The following EPHA5 variants were observed in gnomAD, a reference collection of about 807,000 sequenced individuals.
EPHA5 encodes the protein EPH receptor A5.
EPHA5 carries 60 observed loss-of-function variants against 105.0 expected under a neutral mutation model. The ratio of observed to expected loss-of-function variants is 0.57; its 90% CI spans 0.46 to 0.71. The LOEUF is 0.71. EPHA5 is among the 30% of genes least tolerant of loss of function. EPHA5 has a pLI of 0.00. For missense variants in EPHA5, 1,218 were observed against 1,274.7 expected, an observed-to-expected ratio of 0.96 and a Z score of 0.68; for synonymous variants, 513 against 449.1, an observed-to-expected ratio of 1.14 and a Z score of -1.80.
At position 65,575,835 on chromosome 4, in the gene EPHA5, G is replaced by A. The variant is rs186642116; in HGVS notation, c.910+25806C>T. Among the ~76,000 whole-genome samples, 576 of 151,436 alleles carry A rather than the reference G, an allele frequency of 3.8e-3. 6 individuals are homozygous for A. The highest frequency in any genetic ancestry group is 0.013 in the African/African-American group (549 of 41,192). ...CTACTAAAAATACAAAAATTAGGCA[G>A]GCGTAGTGATGGGCGCCTGTAATCC... On this transcript the variant is annotated intron_variant, in intron 3 of 16. Coordinates refer to ENST00000613740, the MANE Select transcript of EPHA5 (RefSeq NM_001281766.3).
chr4:65,378,939 A>C (rs1044132777), intron 8 of EPHA5, among the ~76,000 whole-genome samples: 22 of 151,902 alleles, frequency 1.4e-4, no homozygotes, highest in Admixed American at 1.1e-3. Flanking sequence ...GGTTCATTTC[A>C]AACAGCAGTT....
chr4:65,351,382 A>G lies in EPHA5; in HGVS notation c.2445+7T>C. On this transcript the variant is annotated splice_region_variant and intron_variant, in intron 13 of 16. Transcript: ENST00000613740. ...AGTGTTTAGAAATGCACTCTGTTAGATCTTACCCTTGTGGTGTAGGCTGCC... is the reference window on the plus strand; with the variant it reads ...AGTGTTTAGAAATGCACTCTGTTAGGTCTTACCCTTGTGGTGTAGGCTGCC... 1 of 1,613,252 alleles carries G rather than the reference A, an allele frequency of 6.2e-7. No individual in the cohort carries two copies. Among genetic ancestry groups the G allele is most frequent in the Non-Finnish European group, 8.5e-7 (1 of 1,179,466 alleles).
chr4:65,603,354 G>C (rs932407501), intron 2 of EPHA5, among the ~76,000 whole-genome samples: 2 of 151,660 alleles, frequency 1.3e-5, no homozygotes, highest in South Asian at 4.2e-4. Flanking sequence ...AAAAATCTGT[G>C]TGTACAAAAG....
intron 3 of EPHA5, among the ~76,000 whole-genome samples, chr4:65,507,066 G>T (rs1260456416): frequency 6.6e-6 from 1 of 152,144 alleles, no homozygotes; most frequent in Non-Finnish European, 1.5e-5. Context: ...AAGGGATCCA[G>T]TTTCAGCTTT....
At chr4:65,417,053 A>G (rs1404510707) in intron 6 of EPHA5, among the ~76,000 whole-genome samples, 2 of 152,230 alleles carry the variant, frequency 1.3e-5, no homozygotes, top group African/African-American at 4.8e-5. Flanking sequence ...CACTGTTCAC[A>G]TGCAGTGAGG....
intron 3 of EPHA5, among the ~76,000 whole-genome samples, chr4:65,520,901 A>G (rs574840526): frequency 5.9e-5 from 9 of 152,298 alleles, no homozygotes; most frequent in African/African-American, 2.2e-4. Context: ...ATGTGGAGAA[A>G]TAGGAACACT....
At chr4:65,518,896 G>T (rs1460134665) in intron 3 of EPHA5, among the ~76,000 whole-genome samples, 1 of 152,110 alleles carries the variant, frequency 6.6e-6, no homozygotes, top group Non-Finnish European at 1.5e-5. Flanking sequence ...ACGAGGAGGA[G>T]CTGGTATCAT....
At chr4:65,528,772 G>GT (rs969471105) in intron 3 of EPHA5, among the ~76,000 whole-genome samples, 19 of 152,142 alleles carry the variant, frequency 1.2e-4, no homozygotes, top group African/African-American at 4.6e-4. Context: ...AGCAAGAGGA[G>GT]TGCACTAAAT....
intron 8 of EPHA5, among the ~76,000 whole-genome samples, chr4:65,379,081 T>C (rs1358561494): frequency 6.6e-6 from 1 of 151,920 alleles, no homozygotes; most frequent in Non-Finnish European, 1.5e-5. Context: ...GCACAGTTTA[T>C]AAATTCATAT....
chr4:65,362,091 G>C (rs974459950), intron 11 of EPHA5, among the ~76,000 whole-genome samples: 1 of 151,538 alleles, frequency 6.6e-6, no homozygotes, highest in Non-Finnish European at 1.5e-5. Flanking sequence ...CGTCATGAAA[G>C]TTCTTTAGAA....
chr4:65,401,635 T>C (rs1721835016), intron 8 of EPHA5, among the ~76,000 whole-genome samples: 1 of 152,132 alleles, frequency 6.6e-6, no homozygotes. Flanking sequence ...TCTTAAACTA[T>C]GTTGTGAAAT....
intron 1 of EPHA5, among the ~76,000 whole-genome samples, chr4:65,645,105 C>G (rs568523396): frequency 6.6e-6 from 1 of 152,102 alleles, no homozygotes; most frequent in Non-Finnish European, 1.5e-5. Context: ...AATCCTGCCA[C>G]TCACTACATC....
intron 16 of EPHA5, among the ~76,000 whole-genome samples, chr4:65,329,369 G>A (rs1046051704): frequency 1.3e-5 from 2 of 151,294 alleles, no homozygotes; most frequent in African/African-American, 2.4e-5. Context: ...ATACATGCAC[G>A]TACTGGCAAC....
At chr4:65,453,091 A>AT (rs1260816920) in intron 5 of EPHA5, among the ~76,000 whole-genome samples, 1 of 152,126 alleles carries the variant, frequency 6.6e-6, no homozygotes, top group Non-Finnish European at 1.5e-5. Context: ...ATGGATAATC[A>AT]TTTTTTGATA....
chr4:65,347,841 T>A (rs962758934), intron 14 of EPHA5, among the ~76,000 whole-genome samples: 2 of 152,034 alleles, frequency 1.3e-5, no homozygotes, highest in Non-Finnish European at 2.9e-5. Flanking sequence ...AGGGACTGAG[T>A]TTTTATATAA....
chr4:65,570,873 G>A (rs962184091), intron 3 of EPHA5, among the ~76,000 whole-genome samples: 5 of 151,816 alleles, frequency 3.3e-5, no homozygotes, highest in Non-Finnish European at 5.9e-5. Context: ...TTAAGTTTAA[G>A]GTATATTTGG....
intron 8 of EPHA5, among the ~76,000 whole-genome samples, chr4:65,393,658 A>G (rs28361453): frequency 0.076 from 11,581 of 152,302 alleles, 714 homozygotes; most frequent in African/African-American, 0.17. Context: ...CATAACAGAC[A>G]TTATTTTAAA....
At chr4:65,634,653 C>T (rs1364213242) in intron 2 of EPHA5, among the ~76,000 whole-genome samples, 1 of 151,936 alleles carries the variant, frequency 6.6e-6, no homozygotes, top group Non-Finnish European at 1.5e-5. Flanking sequence ...ATTATATTGG[C>T]ATTTGCATTA....
At chr4:65,535,938 AT>A (rs1290648438) in intron 3 of EPHA5, among the ~76,000 whole-genome samples, 1 of 152,016 alleles carries the variant, frequency 6.6e-6, no homozygotes. Context: ...ACAATAAAAC[AT>A]TTTTTAAAAG....
Sources: allele counts gnomAD v4.1 joint callset (sites outside exome capture counted in the v4.1 genomes callset), GRCh38; gene constraint gnomAD v4.1.1; transcripts MANE v1.5; gene names NCBI Gene and HGNC (gene_info 2026-07-23, HGNC 2026-07-21).